Variants in FAT4 observed in about 807,000 individuals in gnomAD.
The protein encoded by FAT4 is protocadherin Fat 4.
Under a neutral mutation model 303.9 loss-of-function variants are expected in FAT4, and 84 were observed. The observed-to-expected ratio is 0.28, with a 90% CI of 0.23 to 0.33. The LOEUF (loss-of-function observed/expected upper bound fraction) is 0.33, where lower values mean the gene tolerates loss of function less well. Ranked by LOEUF, FAT4 falls within the 10% of genes least tolerant of loss-of-function variation. The probability of loss-of-function intolerance (pLI) is 1.00; values close to 1 mark genes in which losing one functional copy is unlikely to be tolerated. For synonymous variants in FAT4, 2,307 were observed against 2,298.8 expected (o/e 1.00, Z -0.10); for missense variants, 6,005 against 6,146.8 (o/e 0.98, Z 0.77).
chr4:125,448,585 G>C lies in FAT4; in HGVS notation c.7575G>C (p.Met2525Ile). 6.2e-7 allele frequency: 1 copy of C among 1,613,926 alleles called. No individual in the cohort carries two copies. Among genetic ancestry groups the C allele is most frequent in the South Asian group, 1.1e-5 (1 of 91,078 alleles). The change falls in exon 10 of 18, where the codon ATG (methionine) becomes ATC (isoleucine). Residue 2525 changes from methionine (M) to isoleucine (I), a missense_variant. Physicochemically the swap from Met to Ile is conservative, Grantham distance 10. Transcript: ENST00000394329. ...FHIDPLRGAI[M>I]AAGPLNGASE... ...TTGACCCACTGAGGGGAGCCATTATGGCCGCCGGACCACTAAACGGAGCTT... is the reference window on the plus strand; with the variant it reads ...TTGACCCACTGAGGGGAGCCATTATCGCCGCCGGACCACTAAACGGAGCTT...
chr4:125,487,454 T>C lies in FAT4; in HGVS notation c.12932T>C (p.Ile4311Thr), dbSNP rs1727447675. The C allele has an allele frequency of 1.2e-6, 2 of 1,613,978 alleles. No individual in the cohort carries two copies. Among genetic ancestry groups the C allele is most frequent in the Non-Finnish European group, 8.5e-7 (1 of 1,179,980 alleles). Reference protein sequence around the residue: ...VADGHWHTFLIGKNGTATVLS... With the variant: ...VADGHWHTFLTGKNGTATVLS... Reference sequence around the variant, plus strand: ...GACGGCCACTGGCACACTTTTCTAATTGGGAAAAATGGAACAGCAACAGTA... The same window carrying C: ...GACGGCCACTGGCACACTTTTCTAACTGGGAAAAATGGAACAGCAACAGTA... Residue 4311 changes from isoleucine (I) to threonine (T), a missense_variant, in exon 17 of 18, where the codon ATT becomes ACT. Transcript: ENST00000394329.
rs752425042 is a variant in FAT4, at chr4:125,398,919, G to T, written c.5307+4G>T. ...GACAGCCATGGATGCTGATGAGGTA[G>T]CTCAAGCATGTCTCTGAATTTGTGA... On this transcript the variant is annotated splice_donor_region_variant and intron_variant, in intron 3 of 17. Transcript: ENST00000394329. The T allele has an allele frequency of 6.2e-7, 1 of 1,612,466 alleles. No homozygotes were observed. The highest frequency in any genetic ancestry group is 1.1e-5 in the South Asian group (1 of 90,928).
Position 125,481,553 on chromosome 4 carries a change from G to A in FAT4, c.12637G>A (p.Gly4213Ser). 2 of 1,613,980 alleles carry A rather than the reference G, an allele frequency of 1.2e-6. No homozygotes were observed. The highest frequency in any genetic ancestry group is 2.7e-5 in the African/African-American group (2 of 75,012). Reference sequence around the variant, plus strand: ...TCCTGACACTGCCTTATCATTAGAAGGCAAAGGGCGCTTGGACTACCACAT... The same window carrying A: ...TCCTGACACTGCCTTATCATTAGAAAGCAAAGGGCGCTTGGACTACCACAT... ...VTPDTALSLE[G>S]KGRLDYHMSQ... The change falls in exon 16 of 18, where the codon GGC (glycine) becomes AGC (serine). Residue 4213 changes from glycine (G) to serine (S), a missense_variant. Coordinates refer to ENST00000394329, the MANE Select transcript of FAT4 (RefSeq NM_001291303.3).
Position 125,318,349 on chromosome 4 carries a change from C to A in FAT4, c.1938C>A (p.Ser646=). ...PVSGRLSTIS[S]LDREEQAFYS... ...CTGGGAGGTTGAGTACTATTTCCTC[C>A]TTGGACAGAGAAGAGCAAGCCTTCT... Residue 646 remains serine, a synonymous_variant, in exon 2 of 18, where the codon TCC becomes TCA. Transcript: ENST00000394329. 1 of 1,614,192 alleles carries A rather than the reference C, an allele frequency of 6.2e-7. No individual in the cohort carries two copies. The highest frequency in any genetic ancestry group is 8.5e-7 in the Non-Finnish European group (1 of 1,180,042).
intron 2 of FAT4, among the ~76,000 whole-genome samples, chr4:125,368,790 G>A (rs889884725): frequency 3.3e-5 from 5 of 151,782 alleles, no homozygotes; most frequent in African/African-American, 4.8e-5. Context: ...TAAGCCTGCC[G>A]AGGAATTCTT....
At chr4:125,407,212 G>A in intron 4 of FAT4, 71 bp downstream of exon 4, 1 of 1,384,334 alleles carries the variant, frequency 7.2e-7, no homozygotes, top group South Asian at 1.3e-5. Flanking sequence ...CTATGTTTCG[G>A]CTGCTCTTAA....
At chr4:125,474,053 C>T (rs949735861) in intron 12 of FAT4, among the ~76,000 whole-genome samples, 2 of 151,852 alleles carry the variant, frequency 1.3e-5, no homozygotes, top group Non-Finnish European at 2.9e-5. Flanking sequence ...GGTGGTAAAG[C>T]TATAAAAATT....
chr4:125,383,265 C>A (rs1301771091), intron 2 of FAT4, among the ~76,000 whole-genome samples: 5 of 152,124 alleles, frequency 3.3e-5, no homozygotes, highest in East Asian at 3.9e-4. Flanking sequence ...AAGAGATGTG[C>A]AGCTACTCCT....
intron 2 of FAT4, among the ~76,000 whole-genome samples, chr4:125,351,974 T>C (rs1281946074): frequency 2.0e-5 from 3 of 151,852 alleles, no homozygotes; most frequent in Non-Finnish European, 4.4e-5. Flanking sequence ...CGGTTGATGC[T>C]ACCTGTTGAA....
chr4:125,449,043 C>T lies in FAT4; in HGVS notation c.8033C>T (p.Ser2678Phe), dbSNP rs1292310432. The part of the protein sequence containing the change: ...APIFKEDPFI[S>F]EILENLSPRK... ...ATTTTTAAGGAAGACCCATTTATATCTGAAATATTGGAAAACCTTTCCCCT... is the reference window on the plus strand; with the variant it reads ...ATTTTTAAGGAAGACCCATTTATATTTGAAATATTGGAAAACCTTTCCCCT... The change falls in exon 10 of 18, where the codon TCT becomes TTT. Residue 2678 changes from serine to phenylalanine, a missense_variant. Transcript: ENST00000394329. 1.2e-6 allele frequency: 2 copies of T among 1,613,808 alleles called. No individual in the cohort carries two copies. Among genetic ancestry groups the T allele is most frequent in the South Asian group, 2.2e-5 (2 of 91,060 alleles).
chr4:125,476,314 T>G (rs1727028283), intron 13 of FAT4, 58 bp downstream of exon 13: 2 of 930,078 alleles, frequency 2.2e-6, no homozygotes, highest in East Asian at 5.6e-5. Flanking sequence ...AAAATAAACT[T>G]TATACCTAAA....
At chr4:125,333,820 T>C (rs1731474055) in intron 2 of FAT4, among the ~76,000 whole-genome samples, 1 of 152,168 alleles carries the variant, frequency 6.6e-6, no homozygotes, top group African/African-American at 2.4e-5. Context: ...TTTAAAAATG[T>C]CATATATTTT....
rs781321187 is a variant in FAT4, at chr4:125,449,045, G to C, written c.8035G>C (p.Glu2679Gln). The C allele has an allele frequency of 6.2e-7, 1 of 1,613,836 alleles. No individual in the cohort carries two copies. Among genetic ancestry groups the C allele is most frequent in the Non-Finnish European group, 8.5e-7 (1 of 1,179,866 alleles). ...TTTTAAGGAAGACCCATTTATATCT[G>C]AAATATTGGAAAACCTTTCCCCTCG... ...PIFKEDPFIS[E>Q]ILENLSPRKI... is the part of the protein sequence containing the mutation. Residue 2679 changes from glutamate to glutamine, a missense_variant, in exon 10 of 18, where the codon GAA becomes CAA. Coordinates refer to ENST00000394329, the MANE Select transcript of FAT4 (RefSeq NM_001291303.3).
At chr4:125,377,240 G>T (rs1403125657) in intron 2 of FAT4, among the ~76,000 whole-genome samples, 3 of 151,742 alleles carry the variant, frequency 2.0e-5, no homozygotes, top group Non-Finnish European at 4.4e-5. Flanking sequence ...TTCTCTAGAG[G>T]ATTTTCAATG....
chr4:125,452,559 G>T lies in FAT4; in HGVS notation c.11549G>T (p.Cys3850Phe). The change falls in exon 10 of 18, where the codon TGC (cysteine) becomes TTC (phenylalanine). Residue 3850 changes from cysteine (C) to phenylalanine (F), a missense_variant. Physicochemically the swap from Cys to Phe is radical, Grantham distance 205. Transcript: ENST00000394329. Reference sequence around the variant, plus strand: ...AATGAACCTCTGCAGCCTTTCTTATGCAAGTGTCTGCCAGGATATGCGGGT... The same window carrying T: ...AATGAACCTCTGCAGCCTTTCTTATTCAAGTGTCTGCCAGGATATGCGGGT... ...VANEPLQPFLCKCLPGYAGSW... is the reference protein window; with the variant it reads ...VANEPLQPFLFKCLPGYAGSW... 1 of 1,614,174 alleles carries T rather than the reference G, an allele frequency of 6.2e-7. No individual in the cohort carries two copies. The highest frequency in any genetic ancestry group is 8.5e-7 in the Non-Finnish European group (1 of 1,180,022).
At chr4:125,352,680 C>T (rs772208983) in intron 2 of FAT4, among the ~76,000 whole-genome samples, 1 of 151,772 alleles carries the variant, frequency 6.6e-6, no homozygotes, top group Non-Finnish European at 1.5e-5. Context: ...ACAAGTTCTT[C>T]AGATTGCTTC....
At chr4:125,441,052 A>G (rs1389031851) in intron 8 of FAT4, among the ~76,000 whole-genome samples, 1 of 151,982 alleles carries the variant, frequency 6.6e-6, no homozygotes, top group African/African-American at 2.4e-5. Context: ...ATAAGAATTA[A>G]CTCACTTCCA....
intron 2 of FAT4, among the ~76,000 whole-genome samples, chr4:125,369,954 CT>C (rs201936039): frequency 4.0e-5 from 6 of 150,994 alleles, no homozygotes; most frequent in African/African-American, 1.2e-4. Context: ...TCAGAATTTC[CT>C]TTTTTTTTAA....
intron 2 of FAT4, among the ~76,000 whole-genome samples, chr4:125,343,143 A>T (rs1429048415): frequency 6.6e-6 from 1 of 152,120 alleles, no homozygotes; most frequent in African/African-American, 2.4e-5. Context: ...AGTGGTTTTT[A>T]TAAGGCCTCA....
Sources: allele counts gnomAD v4.1 joint callset (sites outside exome capture counted in the v4.1 genomes callset), GRCh38; gene constraint gnomAD v4.1.1; transcripts MANE v1.5; gene names NCBI Gene and HGNC (gene_info 2026-07-23, HGNC 2026-07-21).